The following HARBI1 variants were observed in gnomAD, a reference collection of about 807,000 sequenced individuals.
HARBI1 encodes harbinger transposase derived 1, also known as putative nuclease HARBI1.
HARBI1 carries 15 observed loss-of-function variants against 25.3 expected under a neutral mutation model. That is an observed-to-expected ratio of 0.59 (90% confidence interval 0.40 to 0.91). The LOEUF (loss-of-function observed/expected upper bound fraction) is 0.91. HARBI1 is among the 40% of genes least tolerant of loss of function. The pLI is 0.00. For missense variants in HARBI1, 396 were observed against 445.8 expected (o/e 0.89, Z 1.01); for synonymous variants, 168 against 160.5 (o/e 1.05, Z -0.35).
chr11:46,617,001 C>T lies in HARBI1; in HGVS notation c.-145+123G>A, dbSNP rs929219513. 179 of 985,280 alleles carry T rather than the reference C, an allele frequency of 1.8e-4. 1 individual carries two copies. The highest frequency in any genetic ancestry group is 2.0e-4 in the Non-Finnish European group (169 of 829,968). 61.0% of individuals were successfully genotyped at this position (985,280 alleles called of 1,614,324 possible). On this transcript the variant is annotated intron_variant, in intron 1 of 2. Coordinates refer to ENST00000326737, the MANE Select transcript of HARBI1 (RefSeq NM_173811.4). ...GACCAGACACATTGGAAGTCGGGAG[C>T]GAAAAAGAGGCTGGCCGAACCAGGT...
chr11:46,605,839 G>A (rs528466865), intron 2 of HARBI1, among the ~76,000 whole-genome samples: 3 of 149,868 alleles, frequency 2.0e-5, no homozygotes, highest in South Asian at 2.1e-4. Flanking sequence ...CACCCACCTC[G>A]GCCTCCCAAA....
At chr11:46,604,914 G>A (rs576002555) in intron 2 of HARBI1, among the ~76,000 whole-genome samples, 24 of 152,234 alleles carry the variant, frequency 1.6e-4, no homozygotes, top group South Asian at 1.4e-3. Context: ...TTTATCAAAT[G>A]ATCCCAGGAA....
At chr11:46,614,999 G>A (rs1180929731) in intron 2 of HARBI1, among the ~76,000 whole-genome samples, 1 of 152,046 alleles carries the variant, frequency 6.6e-6, no homozygotes, top group Non-Finnish European at 1.5e-5. Flanking sequence ...CGCAACCTCC[G>A]CCTCCCGGGT....
Position 46,616,061 on chromosome 11 carries a change from C to T in HARBI1, c.177G>A (p.Arg59=), listed in dbSNP as rs1237562126. 9 of 1,614,186 alleles carry T rather than the reference C, an allele frequency of 5.6e-6. No individual in the cohort carries two copies. Among genetic ancestry groups the T allele is most frequent in the Non-Finnish European group, 6.8e-6 (8 of 1,180,034 alleles). Residue 59 remains arginine (R), a synonymous_variant, in exon 2 of 3, where the codon AGG becomes AGA. Transcript: ENST00000326737. ...TAATAGCCCTGGATCGCTGAGTAGG[C>T]CTAGAAAGATTCGCCCCCAAGAGCT... is the stretch of plus-strand genomic sequence containing the variant. ...LVELLGANLS[R]PTQRSRAISP... is the part of the protein sequence containing the mutation.
chr11:46,611,258 C>T (rs1206125011), intron 2 of HARBI1, among the ~76,000 whole-genome samples: 1 of 152,006 alleles, frequency 6.6e-6, no homozygotes, highest in African/African-American at 2.4e-5. Context: ...CCGCCCACCT[C>T]GGCCTCCCAA....
chr11:46,617,021 C>G lies in HARBI1; in HGVS notation c.-145+103G>C, dbSNP rs968610864. 8.1e-6 allele frequency: 8 copies of G among 985,178 alleles called. No homozygotes were observed. The Admixed American group carries it at 3.1e-4, about 38-fold the overall frequency. 61.0% of individuals were successfully genotyped at this position (985,178 alleles called of 1,614,324 possible). Reference sequence around the variant, plus strand: ...GGGAGCGAAAAAGAGGCTGGCCGAACCAGGTTTGGGAAGCGACTCTGCCAC... The same window carrying G: ...GGGAGCGAAAAAGAGGCTGGCCGAAGCAGGTTTGGGAAGCGACTCTGCCAC... On this transcript the variant is annotated intron_variant, in intron 1 of 2. Coordinates refer to ENST00000326737, the MANE Select transcript of HARBI1 (RefSeq NM_173811.4).
rs1228276955 is a variant in HARBI1 at position 46,609,823 on chromosome 11, C to CA, written c.670+5744dup. On this transcript the variant is annotated intron_variant, in intron 2 of 2. Coordinates refer to ENST00000326737, the MANE Select transcript of HARBI1 (RefSeq NM_173811.4). ...GCAACACAGTGAGACCCAGACTCTA[C>CA]AAAAAAAAAAATAAATAAATAAAAG... is the stretch of plus-strand genomic sequence containing the variant. Among the ~76,000 whole-genome samples, 80 of 100,496 alleles carry CA rather than the reference C, an allele frequency of 8.0e-4. 1 individual carries two copies. Among genetic ancestry groups the CA allele is most frequent in the East Asian group, 2.0e-3 (7 of 3,506 alleles). 65.9% of individuals were successfully genotyped at this position (100,496 alleles called of 152,430 possible).
chr11:46,616,850 A>AC lies in HARBI1; in HGVS notation c.-145+273_-145+274insG, dbSNP rs1475507594. The AC allele has an allele frequency of 5.6e-5, 55 of 981,636 alleles. No homozygotes were observed. The African/African-American group carries it at 9.6e-4, about 17-fold the overall frequency. 60.8% of individuals were successfully genotyped at this position (981,636 alleles called of 1,614,324 possible). On this transcript the variant is annotated intron_variant, in intron 1 of 2. Transcript: ENST00000326737. ...AAGGGGCAAAAAAAAAAAAAAAAAA[A>AC]AAAAAAAAAAAACAACCAAAGTCCA...
chr11:46,605,752 T>C (rs1190340066), intron 2 of HARBI1, among the ~76,000 whole-genome samples: 2 of 150,248 alleles, frequency 1.3e-5, no homozygotes, highest in Non-Finnish European at 3.0e-5. Context: ...CACGCCCGGC[T>C]AATTTTTTGT....
At chr11:46,615,373 C>T (rs553238361) in intron 2 of HARBI1, among the ~76,000 whole-genome samples, 195 bp downstream of exon 2, 1 of 151,950 alleles carries the variant, frequency 6.6e-6, no homozygotes, top group South Asian at 2.1e-4. Flanking sequence ...AGGCGCCTGC[C>T]ACCATGCCCA....
At chr11:46,604,921 G>C (rs1178167105) in intron 2 of HARBI1, among the ~76,000 whole-genome samples, 1 of 152,132 alleles carries the variant, frequency 6.6e-6, no homozygotes, top group Non-Finnish European at 1.5e-5. Flanking sequence ...AATGATCCCA[G>C]GAAGTGCTAA....
At chr11:46,613,489 T>A in intron 2 of HARBI1, among the ~76,000 whole-genome samples, 1 of 148,516 alleles carries the variant, frequency 6.7e-6, no homozygotes, top group Admixed American at 6.7e-5. Context: ...CTTTTTTTTT[T>A]TTTTTTTTTT....
Position 46,603,629 on chromosome 11 carries a change from G to A in HARBI1, c.951C>T (p.Pro317=), listed in dbSNP as rs372811398. ...ACTCCTCTTCCGGGGGCTGTTCCAT[G>A]GGTCCTGTCATTGGAGAGGACCAAA... ...MDVWSSPMTG[P]MEQPPEEEYE... is the part of the protein sequence containing the mutation. The change falls in exon 3 of 3, where the codon CCC becomes CCT. Residue 317 remains proline (P), a synonymous_variant. Coordinates refer to ENST00000326737, the MANE Select transcript of HARBI1 (RefSeq NM_173811.4). 3.7e-5 allele frequency: 60 copies of A among 1,614,052 alleles called. No homozygotes were observed. The highest frequency in any genetic ancestry group is 4.9e-5 in the Non-Finnish European group (58 of 1,180,014).
chr11:46,603,834 T>C lies in HARBI1; in HGVS notation c.746A>G (p.Tyr249Cys), dbSNP rs149901165. ...HIPETPAEYRYNMAHSATHSV... is the reference protein window; with the variant it reads ...HIPETPAEYRCNMAHSATHSV... ...GTGAGTTGCAGAATGGGCCATGTTA[T>C]AGCGATATTCTGCTGGAGTTTCAGG... Residue 249 changes from tyrosine to cysteine, a missense_variant, in exon 3 of 3, where the codon TAT becomes TGT. Transcript: ENST00000326737. 4 of 1,614,046 alleles carry C rather than the reference T, an allele frequency of 2.5e-6. No individual in the cohort carries two copies. Among genetic ancestry groups the C allele is most frequent in the Non-Finnish European group, 3.4e-6 (4 of 1,180,046 alleles).
At chr11:46,611,830 T>C (rs2045195322) in intron 2 of HARBI1, among the ~76,000 whole-genome samples, 1 of 152,062 alleles carries the variant, frequency 6.6e-6, no homozygotes, top group Admixed American at 6.6e-5. Flanking sequence ...CAAAATCTAC[T>C]TTCCCACACT....
rs1487818509 is a variant in HARBI1 at position 46,603,389 on chromosome 11, C to T, written c.*141G>A. 1.5e-5 allele frequency: 12 copies of T among 796,822 alleles called. No homozygotes were observed. The highest frequency in any genetic ancestry group is 2.4e-5 in the Non-Finnish European group (12 of 500,066). 49.4% of individuals were successfully genotyped at this position (796,822 alleles called of 1,614,324 possible). On this transcript the variant is annotated 3_prime_UTR_variant, in exon 3 of 3. Coordinates refer to ENST00000326737, the MANE Select transcript of HARBI1 (RefSeq NM_173811.4). ...ATATTCTGGCATAGCCCCAACCTTA[C>T]CAAAACACACATATTAAATGTCAGT...
intron 2 of HARBI1, 27 bp from the exon 3 acceptor site, chr11:46,603,936 A>T (rs2044843772): frequency 6.3e-7 from 1 of 1,574,804 alleles, no homozygotes; most frequent in South Asian, 1.2e-5. Flanking sequence ...AATAAATCAT[A>T]AATGACTATA....
chr11:46,606,577 G>A (rs1392645671), intron 2 of HARBI1, among the ~76,000 whole-genome samples: 1 of 152,158 alleles, frequency 6.6e-6, no homozygotes, highest in African/African-American at 2.4e-5. Flanking sequence ...GCCTCCCAAA[G>A]TGCTGGGATT....
At chr11:46,604,886 T>G (rs766064192) in intron 2 of HARBI1, among the ~76,000 whole-genome samples, 25 of 152,180 alleles carry the variant, frequency 1.6e-4, no homozygotes, top group Non-Finnish European at 3.2e-4. Context: ...ACACAAGGCA[T>G]TCTCCTTAAG....
Sources: gnomAD v4.1 joint callset for allele counts (sites outside exome capture counted in the v4.1 genomes callset) on GRCh38, gnomAD v4.1.1 for gene constraint, MANE v1.5 for transcripts, NCBI Gene and HGNC (gene_info 2026-07-23, HGNC 2026-07-21) for gene names.